The following GNAS variants were observed in gnomAD, a reference collection of about 807,000 sequenced individuals.
The protein encoded by GNAS is protein ALEX.
Under a neutral mutation model 54.5 loss-of-function variants are expected in GNAS, and 8 were observed. The observed-to-expected ratio is 0.15, with a 90% CI of 0.09 to 0.26. The LOEUF (loss-of-function observed/expected upper bound fraction) is 0.26, where lower values mean the gene tolerates loss of function less well. GNAS is among the 10% of genes least tolerant of loss of function. GNAS has a pLI of 1.00. For missense variants in GNAS, 170 were observed against 529.8 expected (o/e 0.32, Z 6.67); for synonymous variants, 204 against 191.4 (o/e 1.07, Z -0.54).
intron 1 of GNAS, among the ~76,000 whole-genome samples, chr20:58,860,351 T>G (rs1479531084): frequency 6.6e-6 from 1 of 152,048 alleles, no homozygotes; most frequent in African/African-American, 2.4e-5. Flanking sequence ...TTTTTTGTTT[T>G]GTTTTGTTTT....
intron 1 of GNAS, among the ~76,000 whole-genome samples, chr20:58,877,381 G>A (rs1568954081): frequency 1.3e-5 from 2 of 152,164 alleles, no homozygotes; most frequent in African/African-American, 4.8e-5. Context: ...ATGGCCCAAA[G>A]GAGCCACCTG....
rs2091349866 is a variant in GNAS, at chr20:58,910,282, C to T, written c.971-52C>T. 1.6e-5 allele frequency: 23 copies of T among 1,410,088 alleles called. No individual in the cohort carries two copies. Among genetic ancestry groups the T allele is most frequent in the Admixed American group, 1.0e-4 (6 of 59,784 alleles). The allele number at this position is 1,410,088 out of a possible 1,614,324, so 87.3% of individuals were successfully genotyped here. On this transcript the variant is annotated intron_variant, in intron 11 of 12. Coordinates refer to ENST00000371085, the MANE Select transcript of GNAS (RefSeq NM_000516.7). This position sits in a 1 kb window ranked among gnomAD's most constrained non-coding sequence, Gnocchi z 5.8. ...AGGAGCTACAGAGATGCTAGCACCC[C>T]AGCTCTGCTTGAATTTTAAATTACA...
intron 1 of GNAS, among the ~76,000 whole-genome samples, chr20:58,851,769 G>C (rs1054884760): frequency 6.6e-6 from 1 of 151,722 alleles, no homozygotes; most frequent in African/African-American, 2.4e-5. Context: ...TCTAGCAGTA[G>C]AAAAGTAAAG....
intron 1 of GNAS, among the ~76,000 whole-genome samples, chr20:58,845,169 G>A (rs1389770689): frequency 6.6e-6 from 1 of 152,192 alleles, no homozygotes; most frequent in Non-Finnish European, 1.5e-5. Context: ...CACTGTGGGG[G>A]ACGGCAGACT....
rs2145564611 is a variant in GNAS at position 58,853,880 on chromosome 20, C to T, written c.43+12994C>T. The T allele has an allele frequency of 1.3e-6, 2 of 1,598,002 alleles. No individual in the cohort carries two copies. Among genetic ancestry groups the T allele is most frequent in the Non-Finnish European group, 1.7e-6 (2 of 1,172,770 alleles). On this transcript the variant is annotated intron_variant, in intron 1 of 12. Transcript: ENST00000306090. This position sits in a 1 kb window ranked among gnomAD's most constrained non-coding sequence, Gnocchi z 4.4. Reference sequence around the variant, plus strand: ...CTCCTCCCGAGGAGCCCCAAGCCCTCAGGCCTGCAAAGGCTGGCTCCAGAG... The same window carrying T: ...CTCCTCCCGAGGAGCCCCAAGCCCTTAGGCCTGCAAAGGCTGGCTCCAGAG...
At chr20:58,842,086 C>T (rs1370663483) in intron 1 of GNAS, 2 of 405,438 alleles carry the variant, frequency 4.9e-6, no homozygotes, top group Non-Finnish European at 8.6e-6. Flanking sequence ...GTGCTCCGGC[C>T]ATTTTCAGCA....
At chr20:58,889,965 G>A (rs1173851102), upstream of GNAS, among the ~76,000 whole-genome samples, 3 of 151,696 alleles carry the variant, frequency 2.0e-5, no homozygotes, top group African/African-American at 4.8e-5. Flanking sequence ...GGTGGCTGCC[G>A]AAGCTGCGGC....
At chr20:58,876,279 A>T (rs2087810452) in intron 1 of GNAS, among the ~76,000 whole-genome samples, 1 of 152,204 alleles carries the variant, frequency 6.6e-6, no homozygotes, top group Non-Finnish European at 1.5e-5. Context: ...GAGTTTCCTT[A>T]TAATGTAAGT....
chr20:58,868,709 CTT>C (rs775809796), intron 1 of GNAS, among the ~76,000 whole-genome samples: 24 of 152,164 alleles, frequency 1.6e-4, no homozygotes, highest in Non-Finnish European at 2.9e-4. Flanking sequence ...CTCACTTTTC[CTT>C]TGTTTTCTCG....
chr20:58,854,981 C>CG, intron 1 of GNAS: 1 of 1,612,164 alleles, frequency 6.2e-7, no homozygotes, highest in Non-Finnish European at 8.5e-7. Context: ...TGGCCAGCAG[C>CG]GACGATGACT....
chr20:58,840,000 C>T, upstream of GNAS: 2 of 1,294,104 alleles, frequency 1.5e-6, no homozygotes, highest in Non-Finnish European at 2.2e-6. Context: ...GGGCCAGCTT[C>T]TCACCTCATA....
In GNAS at chr20:58,853,343, C is replaced by A. The variant is rs771863353; in HGVS notation, c.43+12457C>A. ...TCCCCCCTGAAATCGGGGAACAGCC[C>A]GAGCAACCACCTTTGGAGGCCCCAG... On this transcript the variant is annotated intron_variant, in intron 1 of 12. Transcript: ENST00000306090. The surrounding 1 kb of genome is among the most constrained non-coding windows in gnomAD (Gnocchi z 4.4). The A allele has an allele frequency of 2.5e-5, 39 of 1,551,214 alleles. No individual in the cohort carries two copies. The highest frequency in any genetic ancestry group is 3.4e-5 in the Non-Finnish European group (39 of 1,147,354).
chr20:58,893,994 C>T (rs1372907722), intron 1 of GNAS, among the ~76,000 whole-genome samples: 1 of 152,244 alleles, frequency 6.6e-6, no homozygotes, highest in African/African-American at 2.4e-5. Flanking sequence ...GCCTAGGAAT[C>T]TGCAGCTTAA....
At position 58,853,800 on chromosome 20, in the gene GNAS, T is replaced by C; in HGVS notation, c.43+12914T>C. 1 of 1,609,592 alleles carries C rather than the reference T, an allele frequency of 6.2e-7. No homozygotes were observed. Among genetic ancestry groups the C allele is most frequent in the Non-Finnish European group, 8.5e-7 (1 of 1,178,194 alleles). ...CCAGAGAGGCTGCAGTCAACTTCTC[T>C]TACAGGTCCCAGACCTTGCTCCAGG... On this transcript the variant is annotated intron_variant, in intron 1 of 12. Coordinates refer to the GNAS transcript ENST00000306090. The surrounding 1 kb of genome is among the most constrained non-coding windows in gnomAD (Gnocchi z 4.4).
At chr20:58,839,944 G>A (rs2085655872), upstream of GNAS, 2 of 687,340 alleles carry the variant, frequency 2.9e-6, no homozygotes, top group Admixed American at 2.8e-5. Flanking sequence ...CAGGAAGGTA[G>A]GTGCTTCCCT....
At position 58,866,905 on chromosome 20, in the gene GNAS, C is replaced by A. The variant is rs150018536; in HGVS notation, c.43+26019C>A. ...CCAGACATGCAGGTGTATTTCAACACTTTAGCTTTTACTATCAGGATTTCT... is the reference window on the plus strand; with the variant it reads ...CCAGACATGCAGGTGTATTTCAACAATTTAGCTTTTACTATCAGGATTTCT... On this transcript the variant is annotated intron_variant, in intron 1 of 12. Transcript: ENST00000306090. Among the ~76,000 whole-genome samples, 323 of 151,998 alleles carry A rather than the reference C, an allele frequency of 2.1e-3. 1 individual carries two copies. Among genetic ancestry groups the A allele is most frequent in the African/African-American group, 7.6e-3 (313 of 41,418 alleles).
intron 1 of GNAS, among the ~76,000 whole-genome samples, chr20:58,851,456 C>A (rs976618020): frequency 3.3e-5 from 5 of 152,216 alleles, no homozygotes; most frequent in African/African-American, 1.2e-4. Flanking sequence ...GACCCCCTGC[C>A]TCCTGCCCAG....
intron 1 of GNAS, among the ~76,000 whole-genome samples, chr20:58,872,509 G>C (rs1198796861): frequency 6.6e-6 from 1 of 152,144 alleles, no homozygotes; most frequent in Admixed American, 6.5e-5. Context: ...TTGGGTTCCA[G>C]CCAGACCCAC....
chr20:58,871,709 G>A (rs1246770791), intron 1 of GNAS, among the ~76,000 whole-genome samples: 1 of 143,148 alleles, frequency 7.0e-6, no homozygotes, highest in African/African-American at 2.6e-5. Context: ...GAGAAGGAAG[G>A]AAGAAGGAAG....
Sources: allele counts gnomAD v4.1 joint callset (sites outside exome capture counted in the v4.1 genomes callset), GRCh38; gene constraint gnomAD v4.1.1; non-coding constraint Gnocchi (gnomAD v3.1); transcripts MANE v1.5; gene names NCBI Gene and HGNC (gene_info 2026-07-23, HGNC 2026-07-21).